The following OR51B5 variants were observed in gnomAD, a reference collection of about 807,000 sequenced individuals.
OR51B5 encodes the protein olfactory receptor 51B5.
For missense variants in OR51B5, 456 were observed against 374.6 expected (o/e 1.22, Z -1.79); for synonymous variants, 186 against 144.8 (o/e 1.28, Z -2.04).
At chr11:5,425,680 G>A (rs1172152997) in intron 1 of OR51B5, among the ~76,000 whole-genome samples, 1 of 152,054 alleles carries the variant, frequency 6.6e-6, no homozygotes, top group Non-Finnish European at 1.5e-5. Flanking sequence ...GTCATATTTT[G>A]TTATAGAAAT....
At chr11:5,477,484 T>G (rs1851328697) in intron 1 of OR51B5, among the ~76,000 whole-genome samples, 1 of 152,120 alleles carries the variant, frequency 6.6e-6, no homozygotes, top group Non-Finnish European at 1.5e-5. Context: ...ATTACAAACC[T>G]AATTTATATG....
At chr11:5,373,689 G>T (rs554531683) in intron 1 of OR51B5, among the ~76,000 whole-genome samples, 1 of 152,336 alleles carries the variant, frequency 6.6e-6, no homozygotes, top group African/African-American at 2.4e-5. Context: ...CCTGCACATG[G>T]CTCCGAGGGT....
At chr11:5,428,951 AG>A (rs1182586605) in intron 1 of OR51B5, among the ~76,000 whole-genome samples, 6 of 152,216 alleles carry the variant, frequency 3.9e-5, no homozygotes, top group Non-Finnish European at 8.8e-5. Flanking sequence ...ATGTGGCCAG[AG>A]GTCACAAGAT....
chr11:5,422,604 C>A, intron 1 of OR51B5: 2 of 1,614,136 alleles, frequency 1.2e-6, no homozygotes, highest in South Asian at 1.1e-5. Flanking sequence ...CTCCATTATG[C>A]CTCCATCCTC....
rs759806992 is a variant in OR51B5 at position 5,422,735 on chromosome 11, T to C, written n.85-75825A>G. On this transcript the variant is annotated intron_variant and non_coding_transcript_variant, in intron 1 of 4. Coordinates refer to the OR51B5 transcript ENST00000415970. ...CTGCCACTCCCACCTTCTCTCTCGC[T>C]CCTATTGCCTCCACCAGGATATGAT... 3.7e-6 allele frequency: 6 copies of C among 1,614,030 alleles called. No homozygotes were observed. The South Asian group carries it at 5.5e-5, about 15-fold the overall frequency.
At chr11:5,378,279 T>A (rs182307206) in intron 1 of OR51B5, among the ~76,000 whole-genome samples, 3 of 152,138 alleles carry the variant, frequency 2.0e-5, no homozygotes, top group Admixed American at 6.6e-5. Flanking sequence ...TGAAACTGGA[T>A]CCCTTCCTTA....
chr11:5,466,111 AAAAC>A (rs1412531512), intron 1 of OR51B5, among the ~76,000 whole-genome samples: 2 of 152,232 alleles, frequency 1.3e-5, no homozygotes, highest in Admixed American at 6.5e-5. Flanking sequence ...CAAATTTACA[AAAAC>A]AAACAACCCC....
At chr11:5,456,949 T>A (rs1229550714) in intron 1 of OR51B5, among the ~76,000 whole-genome samples, 4 of 152,196 alleles carry the variant, frequency 2.6e-5, no homozygotes, top group African/African-American at 9.7e-5. Flanking sequence ...ACATCAGATG[T>A]GCCTGCTCCA....
intron 1 of OR51B5, among the ~76,000 whole-genome samples, chr11:5,470,649 A>C (rs1053687085): frequency 6.6e-6 from 1 of 152,200 alleles, no homozygotes; most frequent in African/African-American, 2.4e-5. Flanking sequence ...TATCCTCTTC[A>C]AAGTTATCAT....
chr11:5,411,407 GA>G, intron 1 of OR51B5, among the ~76,000 whole-genome samples: 1 of 152,144 alleles, frequency 6.6e-6, no homozygotes, highest in East Asian at 1.9e-4. Context: ...AGTACAGTAT[GA>G]TGTTGGCACA....
chr11:5,349,488 C>T (rs1390275686), intron 1 of OR51B5, among the ~76,000 whole-genome samples: 1 of 151,410 alleles, frequency 6.6e-6, no homozygotes, highest in Non-Finnish European at 1.5e-5. Flanking sequence ...TTATCTTTTC[C>T]CTCCCAGCTT....
intron 1 of OR51B5, among the ~76,000 whole-genome samples, chr11:5,499,919 G>A (rs1429758182): frequency 6.6e-6 from 1 of 152,194 alleles, no homozygotes; most frequent in African/African-American, 2.4e-5. Flanking sequence ...CCGTGGTCCT[G>A]ATAATACAGT....
chr11:5,408,254 A>G (rs1589979665), intron 1 of OR51B5, among the ~76,000 whole-genome samples: 2 of 152,094 alleles, frequency 1.3e-5, no homozygotes, highest in East Asian at 3.9e-4. Flanking sequence ...TTTTATCCCA[A>G]TAATTGCTTT....
At chr11:5,450,523 T>C (rs1850828957) in intron 1 of OR51B5, among the ~76,000 whole-genome samples, 1 of 152,212 alleles carries the variant, frequency 6.6e-6, no homozygotes, top group Admixed American at 6.5e-5. Flanking sequence ...CTCGGGGTCC[T>C]TTCTTCTAAA....
intron 1 of OR51B5, among the ~76,000 whole-genome samples, chr11:5,482,016 A>T (rs1453147635): frequency 8.4e-6 from 1 of 119,542 alleles, no homozygotes; most frequent in African/African-American, 3.8e-5. Flanking sequence ...TTTAAAGTTC[A>T]TATGGAACCA....
intron 1 of OR51B5, among the ~76,000 whole-genome samples, chr11:5,396,412 C>G (rs1181519494): frequency 6.6e-6 from 1 of 152,202 alleles, no homozygotes; most frequent in African/African-American, 2.4e-5. Context: ...CACAAGCATT[C>G]TTATACACCA....
intron 1 of OR51B5, among the ~76,000 whole-genome samples, chr11:5,489,943 G>A (rs944855844): frequency 6.6e-6 from 1 of 152,168 alleles, no homozygotes; most frequent in African/African-American, 2.4e-5. Context: ...GTCAATTCCT[G>A]GTCTTCAGAG....
intron 1 of OR51B5, among the ~76,000 whole-genome samples, chr11:5,485,207 G>A (rs1464953640): frequency 6.6e-6 from 1 of 152,120 alleles, no homozygotes; most frequent in Non-Finnish European, 1.5e-5. Flanking sequence ...AGAATACACA[G>A]TACACAAATC....
intron 1 of OR51B5, chr11:5,351,719 T>A: frequency 6.2e-7 from 1 of 1,613,934 alleles, no homozygotes; most frequent in East Asian, 2.2e-5. Context: ...GACCTCGGAG[T>A]GACATTGACC....
Sources: gnomAD v4.1 joint callset for allele counts (sites outside exome capture counted in the v4.1 genomes callset) on GRCh38, gnomAD v4.1.1 for gene constraint, MANE v1.5 for transcripts, NCBI Gene and HGNC (gene_info 2026-07-23, HGNC 2026-07-21) for gene names.